The following ACACA variants were observed in gnomAD, a reference collection of about 807,000 sequenced individuals.
The protein encoded by ACACA is acetyl-CoA carboxylase 1.
Under a neutral mutation model 296.1 loss-of-function variants are expected in ACACA, and 103 were observed. The ratio of observed to expected loss-of-function variants is 0.35; its 90% CI spans 0.30 to 0.41. ACACA has a LOEUF of 0.41. ACACA is among the 10% of genes least tolerant of loss of function. The probability of loss-of-function intolerance (pLI) is 1.00; values close to 1 mark genes in which losing one functional copy is unlikely to be tolerated. For synonymous variants in ACACA, 953 were observed against 1,038.6 expected (o/e 0.92, Z 1.58); for missense variants, 1,554 against 2,989.7 (o/e 0.52, Z 11.20).
chr17:37,189,319 G>C (rs1456668787), intron 38 of ACACA, among the ~76,000 whole-genome samples: 1 of 152,164 alleles, frequency 6.6e-6, no homozygotes, highest in Non-Finnish European at 1.5e-5. Flanking sequence ...TTTCTAAAAT[G>C]CTTCCTCAAC....
At chr17:37,223,854 C>A (rs1247370736) in intron 27 of ACACA, among the ~76,000 whole-genome samples, 6 of 152,154 alleles carry the variant, frequency 3.9e-5, no homozygotes, top group African/African-American at 1.2e-4. Flanking sequence ...TATTTGTATG[C>A]TAATATAAGT....
intron 4 of ACACA, 78 bp downstream of exon 4, chr17:37,284,760 C>T: frequency 1.9e-6 from 3 of 1,596,990 alleles, no homozygotes; most frequent in Non-Finnish European, 2.6e-6. Context: ...CAATTGGGAG[C>T]AAATCTAGAC....
chr17:37,279,222 G>A lies in ACACA; in HGVS notation c.611-1217C>T, dbSNP rs553039994. On this transcript the variant is annotated intron_variant, in intron 5 of 55. Coordinates refer to ENST00000616317, the MANE Select transcript of ACACA (RefSeq NM_198834.3). The stretch of plus-strand genomic sequence containing the variant: ...AAAAAATTCTACTAAAAAAAATTCC[G>A]CTAGAATTTCTTCAAAATTAAAATA... Among the ~76,000 whole-genome samples the A allele has an allele frequency of 8.5e-5, 13 of 152,072 alleles. No homozygotes were observed. The South Asian group carries it at 1.9e-3, about 22-fold the overall frequency.
At chr17:37,258,676 T>C (rs2081320426) in intron 12 of ACACA, among the ~76,000 whole-genome samples, 1 of 152,066 alleles carries the variant, frequency 6.6e-6, no homozygotes, top group African/African-American at 2.4e-5. Context: ...AACAGAGGAG[T>C]AAATGTTAAT....
intron 11 of ACACA, among the ~76,000 whole-genome samples, chr17:37,263,305 C>T (rs750657837): frequency 3.9e-5 from 6 of 152,042 alleles, no homozygotes; most frequent in Non-Finnish European, 7.4e-5. Context: ...TTTCCAAAAA[C>T]GATAATAGAG....
chr17:37,248,846 A>G (rs1160436611), intron 16 of ACACA, among the ~76,000 whole-genome samples, 172 bp from the exon 17 acceptor site: 14 of 152,210 alleles, frequency 9.2e-5, no homozygotes, highest in Admixed American at 7.2e-4. Context: ...CTTACAATGG[A>G]TTTTTTTAAA....
Position 37,086,926 on chromosome 17 carries a change from G to A in ACACA, c.*390C>T. 2 of 320,528 alleles carry A rather than the reference G, an allele frequency of 6.2e-6. No homozygotes were observed. Among genetic ancestry groups the A allele is most frequent in the South Asian group, 3.0e-5 (1 of 33,614 alleles). 19.9% of individuals were successfully genotyped at this position (320,528 alleles called of 1,614,324 possible). On this transcript the variant is annotated 3_prime_UTR_variant, in exon 56 of 56. Coordinates refer to ENST00000616317, the MANE Select transcript of ACACA (RefSeq NM_198834.3). ...CATGGGGCCAGGAGTGAGGGGGGCTGCTCACTGCTGGGCAACTCCTCACGC... is the reference window on the plus strand; with the variant it reads ...CATGGGGCCAGGAGTGAGGGGGGCTACTCACTGCTGGGCAACTCCTCACGC...
In ACACA at chr17:37,235,976, C is replaced by T. The variant is rs564763265; in HGVS notation, c.3122-877G>A. Among the ~76,000 whole-genome samples, 54 of 152,194 alleles carry T rather than the reference C, an allele frequency of 3.5e-4. No individual in the cohort carries two copies. In the Middle Eastern group the frequency reaches 0.01, roughly 29 times the overall value. ...ATTCAGTTCTTTAGAAAACAGCTTA[C>T]CTCAGAATTAAATTTCCAAGTAAAG... On this transcript the variant is annotated intron_variant, in intron 24 of 55. Transcript: ENST00000616317.
chr17:37,151,514 G>A, intron 43 of ACACA, 93 bp from the exon 44 acceptor site: 1 of 1,478,960 alleles, frequency 6.8e-7, no homozygotes, highest in Non-Finnish European at 9.3e-7. Flanking sequence ...GGCTAAAAGT[G>A]TATTGAAAGC....
At chr17:37,291,178 A>ATTTGTT (rs1423722197) in intron 3 of ACACA, among the ~76,000 whole-genome samples, 149,098 of 149,258 alleles carry the variant, frequency 1, 74,470 homozygotes, top group Middle Eastern at 1. Context: ...ATCTCATAAT[A>ATTTGTT]TTTGTTTTTG....
chr17:37,187,357 A>G (rs2077577182), intron 39 of ACACA, among the ~76,000 whole-genome samples: 1 of 152,188 alleles, frequency 6.6e-6, no homozygotes, highest in African/African-American at 2.4e-5. Flanking sequence ...GAGACACATA[A>G]TCTCTCCCTG....
chr17:37,365,369 A>G, intron 1 of ACACA: 1 of 876,378 alleles, frequency 1.1e-6, no homozygotes, highest in Non-Finnish European at 1.4e-6. Flanking sequence ...ACCCCCTTTT[A>G]TAGCTCTTCA....
At chr17:37,229,365 G>A (rs542572190) in intron 25 of ACACA, among the ~76,000 whole-genome samples, 3 of 151,702 alleles carry the variant, frequency 2.0e-5, no homozygotes, top group African/African-American at 7.3e-5. Context: ...GTGCAGTGGC[G>A]CAATCTTGGC....
chr17:37,329,801 C>T (rs898693072), intron 3 of ACACA, among the ~76,000 whole-genome samples: 1 of 151,886 alleles, frequency 6.6e-6, no homozygotes, highest in Non-Finnish European at 1.5e-5. Context: ...ATTAGCTGGG[C>T]ATGGTGGCAG....
At position 37,129,527 on chromosome 17, in the gene ACACA, C is replaced by T. The variant is rs1180668966; in HGVS notation, c.5824-42G>A. The T allele has an allele frequency of 1.3e-5, 21 of 1,612,350 alleles. No individual in the cohort carries two copies. The Admixed American group carries it at 3.5e-4, about 27-fold the overall frequency. On this transcript the variant is annotated intron_variant, in intron 46 of 55. Transcript: ENST00000616317. ...AGAGAGCACAGCAATCAGTGAACGA[C>T]AGCCCTAGACTCCAACTCAGCAACA...
Position 37,086,060 on chromosome 17 carries a change from G to T in ACACA, c.*1256C>A, listed in dbSNP as rs538385113. On this transcript the variant is annotated 3_prime_UTR_variant, in exon 56 of 56. Coordinates refer to ENST00000616317, the MANE Select transcript of ACACA (RefSeq NM_198834.3). ...AAGCCCCTGATGCCAGTCAGGAGGG[G>T]CCAGTAAGCCTGGAGGACAGCAGCA... is the stretch of plus-strand genomic sequence containing the variant. The T allele has an allele frequency of 8.1e-6, 3 of 368,460 alleles. No homozygotes were observed. Among genetic ancestry groups the T allele is most frequent in the African/African-American group, 6.2e-5 (3 of 48,220 alleles). 22.8% of individuals were successfully genotyped at this position (368,460 alleles called of 1,614,324 possible).
chr17:37,092,068 C>G (rs2072677028), intron 54 of ACACA, among the ~76,000 whole-genome samples: 1 of 151,700 alleles, frequency 6.6e-6, no homozygotes, highest in Non-Finnish European at 1.5e-5. Flanking sequence ...CAGGGAATTG[C>G]TGGAGTCCAG....
At chr17:37,168,897 C>A (rs1476466864) in intron 41 of ACACA, among the ~76,000 whole-genome samples, 1 of 152,078 alleles carries the variant, frequency 6.6e-6, no homozygotes, top group Non-Finnish European at 1.5e-5. Flanking sequence ...AATATTTGTA[C>A]AATAGACAAG....
At chr17:37,261,906 A>G (rs1319651294) in intron 11 of ACACA, among the ~76,000 whole-genome samples, 1 of 152,158 alleles carries the variant, frequency 6.6e-6, no homozygotes, top group East Asian at 1.9e-4. Context: ...CAGGGGATAT[A>G]ATACTGGGTA....
Sources: allele counts gnomAD v4.1 joint callset (sites outside exome capture counted in the v4.1 genomes callset), GRCh38; gene constraint gnomAD v4.1.1; transcripts MANE v1.5; gene names NCBI Gene and HGNC (gene_info 2026-07-23, HGNC 2026-07-21).